AUTS2: variants seen among roughly 807,000 people sequenced by gnomAD.
AUTS2 encodes the protein activator of transcription and developmental regulator AUTS2.
AUTS2 carries 17 observed loss-of-function variants against 112.4 expected under a neutral mutation model. That is an observed-to-expected ratio of 0.15 (90% confidence interval 0.10 to 0.23). The LOEUF (loss-of-function observed/expected upper bound fraction) is 0.23, where lower values mean the gene tolerates loss of function less well. AUTS2 is among the 10% of genes least tolerant of loss of function. The probability of loss-of-function intolerance (pLI) is 1.00; values close to 1 mark genes in which losing one functional copy is unlikely to be tolerated. For synonymous variants in AUTS2, 751 were observed against 702.7 expected (o/e 1.07, Z -1.09); for missense variants, 1,510 against 1,701.6 (o/e 0.89, Z 1.98).
chr7:69,865,140 C>T (rs1562936475), intron 1 of AUTS2, among the ~76,000 whole-genome samples: 1 of 147,646 alleles, frequency 6.8e-6, no homozygotes, highest in Non-Finnish European at 1.5e-5. Flanking sequence ...TGTATTTAGA[C>T]TGTGATATTC....
At chr7:70,057,576 G>A (rs1042880078) in intron 2 of AUTS2, among the ~76,000 whole-genome samples, 1 of 152,176 alleles carries the variant, frequency 6.6e-6, no homozygotes, top group African/African-American at 2.4e-5. Context: ...AATAATTGAT[G>A]TGGAATAAGT....
At chr7:69,884,841 T>C (rs1333275166) in intron 1 of AUTS2, among the ~76,000 whole-genome samples, 1 of 152,244 alleles carries the variant, frequency 6.6e-6, no homozygotes, top group Non-Finnish European at 1.5e-5. Flanking sequence ...ACCGTAATTG[T>C]AGGGTCTAAT....
chr7:70,731,718 C>T (rs1051885046), intron 6 of AUTS2, among the ~76,000 whole-genome samples: 9 of 150,232 alleles, frequency 6.0e-5, no homozygotes, highest in South Asian at 2.1e-4. Context: ...CATGAGCCAC[C>T]GCGCCCAGTC....
At chr7:69,995,533 C>T (rs1798909307) in intron 2 of AUTS2, among the ~76,000 whole-genome samples, 1 of 152,104 alleles carries the variant, frequency 6.6e-6, no homozygotes, top group Non-Finnish European at 1.5e-5. Flanking sequence ...GTGTTTGCCC[C>T]CTGCTTTCTG....
chr7:70,108,314 C>T (rs571305056), intron 2 of AUTS2, among the ~76,000 whole-genome samples: 1 of 152,226 alleles, frequency 6.6e-6, no homozygotes, highest in African/African-American at 2.4e-5. Context: ...ATTCTAGATG[C>T]TCATAATTAT....
At chr7:70,528,312 T>C (rs1001271825) in intron 5 of AUTS2, among the ~76,000 whole-genome samples, 2 of 149,312 alleles carry the variant, frequency 1.3e-5, no homozygotes, top group African/African-American at 4.9e-5. Context: ...ACCCAGGTAA[T>C]GGAAAGCCCT....
At chr7:70,687,179 G>C (rs1808514567) in intron 5 of AUTS2, among the ~76,000 whole-genome samples, 1 of 152,162 alleles carries the variant, frequency 6.6e-6, no homozygotes, top group South Asian at 2.1e-4. Context: ...ATGAAATGCA[G>C]GTCGCTAGAC....
At chr7:70,284,614 G>T (rs960351224) in intron 4 of AUTS2, among the ~76,000 whole-genome samples, 3 of 152,190 alleles carry the variant, frequency 2.0e-5, no homozygotes, top group Admixed American at 1.3e-4. Flanking sequence ...TTTCAGAGTG[G>T]TTCTTGATAA....
chr7:70,758,478 C>G (rs1048759007), intron 6 of AUTS2, among the ~76,000 whole-genome samples: 1 of 152,180 alleles, frequency 6.6e-6, no homozygotes, highest in African/African-American at 2.4e-5. Flanking sequence ...TTTTCCTAAT[C>G]TCTTAAAGTT....
intron 1 of AUTS2, among the ~76,000 whole-genome samples, chr7:69,809,110 C>T (rs1016186283): frequency 6.6e-5 from 10 of 151,974 alleles, no homozygotes; most frequent in South Asian, 2.1e-4. Flanking sequence ...AGTCTCGCTC[C>T]GTTGCCCAGG....
At chr7:69,746,660 A>G (rs1309013225) in intron 1 of AUTS2, among the ~76,000 whole-genome samples, 1 of 152,238 alleles carries the variant, frequency 6.6e-6, no homozygotes, top group East Asian at 1.9e-4. Flanking sequence ...CAGCCTGACT[A>G]GAGCAGAGAG....
intron 2 of AUTS2, among the ~76,000 whole-genome samples, chr7:69,916,683 A>T (rs1795591810): frequency 1.3e-5 from 2 of 151,640 alleles, no homozygotes; most frequent in African/African-American, 4.8e-5. Context: ...TGCAAGTCAA[A>T]CTCCTCTTCC....
At chr7:69,847,067 TCTTA>T (rs1013987309) in intron 1 of AUTS2, among the ~76,000 whole-genome samples, 1 of 152,168 alleles carries the variant, frequency 6.6e-6, no homozygotes, top group Non-Finnish European at 1.5e-5. Flanking sequence ...TATAAATTTG[TCTTA>T]CTTTCCTTAA....
intron 4 of AUTS2, among the ~76,000 whole-genome samples, chr7:70,264,096 A>G (rs1475123337): frequency 2.0e-5 from 3 of 152,214 alleles, no homozygotes; most frequent in African/African-American, 7.2e-5. Context: ...CAATTCTATT[A>G]TGTTGGAAGA....
chr7:70,299,468 T>TA (rs747804094), intron 4 of AUTS2, among the ~76,000 whole-genome samples: 31 of 152,190 alleles, frequency 2.0e-4, no homozygotes, highest in African/African-American at 3.1e-4. Flanking sequence ...TCCCCACACT[T>TA]ACGGTTTCTC....
chr7:69,684,929 G>GC (rs1796994456), intron 1 of AUTS2, among the ~76,000 whole-genome samples: 1 of 152,204 alleles, frequency 6.6e-6, no homozygotes, highest in Non-Finnish European at 1.5e-5. Flanking sequence ...TTTCCTGGCA[G>GC]TTAAAATCTG....
In AUTS2 at chr7:70,680,274, C is replaced by CAG. The variant is rs904535523; in HGVS notation, c.691-18283_691-18282dup. ...TTAGGTACCAGATCATAAAGAATCA[C>CAG]AGAGAGAGAGAGATTATTCATCCCA... On this transcript the variant is annotated intron_variant, in intron 5 of 18. Coordinates refer to ENST00000342771, the MANE Select transcript of AUTS2 (RefSeq NM_015570.4). 6.0e-4 allele frequency among the ~76,000 whole-genome samples: 91 copies of CAG among 152,168 alleles called. 1 individual carries two copies. Among genetic ancestry groups the CAG allele is most frequent in the African/African-American group, 2.0e-3 (81 of 41,538 alleles).
At chr7:70,473,703 T>C (rs935462289) in intron 5 of AUTS2, among the ~76,000 whole-genome samples, 2 of 151,114 alleles carry the variant, frequency 1.3e-5, no homozygotes, top group African/African-American at 2.4e-5. Flanking sequence ...GTTTGTTTTT[T>C]TGGTGGGGCT....
intron 5 of AUTS2, among the ~76,000 whole-genome samples, chr7:70,681,582 T>G (rs1445587411): frequency 1.3e-5 from 2 of 152,004 alleles, no homozygotes; most frequent in African/African-American, 4.8e-5. Flanking sequence ...GGTGAAGGAT[T>G]TCAGCGGTAG....
Sources: gnomAD v4.1 joint callset for allele counts (sites outside exome capture counted in the v4.1 genomes callset) on GRCh38, gnomAD v4.1.1 for gene constraint, MANE v1.5 for transcripts, NCBI Gene and HGNC (gene_info 2026-07-23, HGNC 2026-07-21) for gene names.